BDH2: variants seen among roughly 807,000 people sequenced by gnomAD.
The protein encoded by BDH2 is dehydrogenase/reductase SDR family member 6.
In BDH2, 24 loss-of-function variants were observed where a neutral mutation model predicts 33.2. That is an observed-to-expected ratio of 0.72 (90% CI 0.52 to 1.02). The LOEUF is 1.02. BDH2 is among the 50% of genes least tolerant of loss of function. BDH2 has a pLI of 0.00. For missense variants in BDH2, 249 were observed against 301.6 expected, an observed-to-expected ratio of 0.83 and a Z score of 1.29; for synonymous variants, 81 against 101.6, an observed-to-expected ratio of 0.80 and a Z score of 1.22.
At chr4:103,092,525 A>T in intron 4 of BDH2, 75 bp downstream of exon 4, 1 of 1,003,222 alleles carries the variant, frequency 1.0e-6, no homozygotes, top group Middle Eastern at 3.2e-4. Flanking sequence ...ATTTTGCCAC[A>T]TTATGAAAAT....
chr4:103,086,662 G>T, intron 5 of BDH2, 122 bp from the exon 6 acceptor site: 1 of 1,249,776 alleles, frequency 8.0e-7, no homozygotes, highest in Non-Finnish European at 1.1e-6. Flanking sequence ...GTATTAGCTA[G>T]TCACATTAAG....
chr4:103,095,888 C>T (rs6831995), intron 2 of BDH2, among the ~76,000 whole-genome samples: 2,759 of 152,218 alleles, frequency 0.018, 74 homozygotes, highest in African/African-American at 0.06. Flanking sequence ...CCTGTTTGCC[C>T]TCTGTAGCGA....
intron 1 of BDH2, chr4:103,099,530 G>A (rs942354905): frequency 4.6e-5 from 7 of 152,066 alleles, no homozygotes; most frequent in Non-Finnish European, 1.5e-5. Context: ...GCATATTCAG[G>A]AAGCCATTGT....
intron 2 of BDH2, among the ~76,000 whole-genome samples, chr4:103,095,796 T>C (rs1024090583): frequency 1.2e-4 from 18 of 152,222 alleles, no homozygotes; most frequent in African/African-American, 3.1e-4. Context: ...GAAATTGATA[T>C]AAATCAGGAG....
chr4:103,090,258 C>G (rs979586719), intron 5 of BDH2, among the ~76,000 whole-genome samples: 5 of 152,210 alleles, frequency 3.3e-5, no homozygotes, highest in African/African-American at 1.2e-4. Flanking sequence ...GTACGCTGCT[C>G]ATGTTTATAC....
chr4:103,081,189 T>C (rs1363142411), intron 9 of BDH2, among the ~76,000 whole-genome samples: 1 of 152,234 alleles, frequency 6.6e-6, no homozygotes, highest in Non-Finnish European at 1.5e-5. Context: ...TCTTAAGCCA[T>C]TTAAAAGTAA....
intron 5 of BDH2, among the ~76,000 whole-genome samples, chr4:103,087,381 G>A (rs547349690): frequency 6.6e-6 from 1 of 152,324 alleles, no homozygotes; most frequent in South Asian, 2.1e-4. Context: ...GATTACTGTG[G>A]TGCCCAGAGA....
At chr4:103,098,611 A>G (rs1256585390) in intron 1 of BDH2, 2 of 152,262 alleles carry the variant, frequency 1.3e-5, no homozygotes, top group Non-Finnish European at 2.9e-5. Flanking sequence ...CCTCCTCCCC[A>G]ACGGATGACT....
Position 103,082,856 on chromosome 4 carries a change from A to C in BDH2, c.591+15T>G. ...TTAACAAAAGGTTTAAATACATTTT[A>C]AATGCTAGATGTACCTCTTCAGGAT... On this transcript the variant is annotated intron_variant, in intron 8 of 9. Transcript: ENST00000296424. 1 of 1,595,124 alleles carries C rather than the reference A, an allele frequency of 6.3e-7. No individual in the cohort carries two copies. Among genetic ancestry groups the C allele is most frequent in the Non-Finnish European group, 8.6e-7 (1 of 1,162,720 alleles).
chr4:103,096,883 T>A (rs1748436222), intron 1 of BDH2, among the ~76,000 whole-genome samples: 1 of 152,152 alleles, frequency 6.6e-6, no homozygotes. Flanking sequence ...CTTCAGTACC[T>A]GGAGAGGACA....
At chr4:103,096,384 T>C in intron 1 of BDH2, 110 bp from the exon 2 acceptor site, 2 of 637,456 alleles carry the variant, frequency 3.1e-6, no homozygotes, top group East Asian at 2.8e-5. Flanking sequence ...TTTAGTGAGC[T>C]CCTTCAGGAA....
At chr4:103,087,970 TCTGA>T (rs1747878248) in intron 5 of BDH2, among the ~76,000 whole-genome samples, 1 of 152,208 alleles carries the variant, frequency 6.6e-6, no homozygotes, top group South Asian at 2.1e-4. Flanking sequence ...AGGATATTCT[TCTGA>T]CTTTGTTCTG....
chr4:103,093,781 T>G (rs1364767455), intron 3 of BDH2, among the ~76,000 whole-genome samples: 1 of 147,934 alleles, frequency 6.8e-6, no homozygotes, highest in Non-Finnish European at 1.5e-5. Flanking sequence ...ATTTATAATA[T>G]ATTATAAATA....
At chr4:103,086,013 C>T (rs532117527) in intron 6 of BDH2, 1 of 1,151,576 alleles carries the variant, frequency 8.7e-7, no homozygotes, top group East Asian at 6.6e-5. Flanking sequence ...CTTTGTGAAG[C>T]ATTCCACAAA....
At chr4:103,094,738 A>G (rs1169197402) in intron 3 of BDH2, among the ~76,000 whole-genome samples, 1 of 152,000 alleles carries the variant, frequency 6.6e-6, no homozygotes, top group Non-Finnish European at 1.5e-5. Context: ...TTTTAGATAT[A>G]TTGGATAAAA....
Position 103,082,962 on chromosome 4 carries a change from T to C in BDH2, c.533-33A>G, listed in dbSNP as rs757442499. On this transcript the variant is annotated intron_variant, in intron 7 of 9. Transcript: ENST00000296424. ...AAAGGGGGATATTCAGCTTGGTTAC[T>C]CACTTTCACTGAAAAAGAAATCGAT... is the stretch of plus-strand genomic sequence containing the variant. 6.4e-6 allele frequency: 10 copies of C among 1,560,476 alleles called. No individual in the cohort carries two copies. The South Asian group carries it at 1.1e-4, about 17-fold the overall frequency.
chr4:103,096,064 G>A, intron 2 of BDH2, 119 bp downstream of exon 2: 1 of 644,510 alleles, frequency 1.6e-6, no homozygotes, highest in Admixed American at 2.9e-5. Flanking sequence ...GACAACAGAA[G>A]CACAAAAGTA....
intron 5 of BDH2, among the ~76,000 whole-genome samples, chr4:103,089,224 A>G (rs972241532): frequency 6.6e-6 from 1 of 152,230 alleles, no homozygotes; most frequent in African/African-American, 2.4e-5. Flanking sequence ...ACAGAGGATC[A>G]TAGATAATTA....
chr4:103,096,111 G>A, intron 2 of BDH2, 72 bp downstream of exon 2: 1 of 1,071,410 alleles, frequency 9.3e-7, no homozygotes, highest in Non-Finnish European at 1.4e-6. Flanking sequence ...AAACAACCAT[G>A]GCATCAGTCC....
Sources: gnomAD v4.1 joint callset for allele counts (sites outside exome capture counted in the v4.1 genomes callset) on GRCh38, gnomAD v4.1.1 for gene constraint, MANE v1.5 for transcripts, NCBI Gene and HGNC (gene_info 2026-07-23, HGNC 2026-07-21) for gene names.